CBLN2: variants seen among roughly 807,000 people sequenced by gnomAD.
CBLN2 encodes the protein cerebellin 2 precursor.
Under a neutral mutation model 15.0 loss-of-function variants are expected in CBLN2, and 7 were observed. The observed-to-expected ratio is 0.47, with a 90% CI of 0.27 to 0.88. The LOEUF (loss-of-function observed/expected upper bound fraction) is 0.88. Ranked by LOEUF, CBLN2 falls within the 40% of genes least tolerant of loss-of-function variation. The probability of loss-of-function intolerance (pLI) is 0.14; values close to 1 mark genes in which losing one functional copy is unlikely to be tolerated. For missense variants in CBLN2, 242 were observed against 304.5 expected, an observed-to-expected ratio of 0.79 and a Z score of 1.53; for synonymous variants, 149 against 135.2, an observed-to-expected ratio of 1.10 and a Z score of -0.71.
intron 3 of CBLN2, chr18:72,539,204 CAA>C (rs917561065): frequency 2.4e-5 from 4 of 165,536 alleles, no homozygotes; most frequent in African/African-American, 4.8e-5. Context: ...AACAAACAAA[CAA>C]AAAAGTTCCA....
At chr18:72,564,613 A>G (rs1006298868) in intron 1 of CBLN2, among the ~76,000 whole-genome samples, 3 of 152,190 alleles carry the variant, frequency 2.0e-5, no homozygotes, top group Non-Finnish European at 4.4e-5. Context: ...GAGATACAAA[A>G]AAGAATGGAA....
At chr18:72,566,603 T>C (rs559049037) in intron 1 of CBLN2, among the ~76,000 whole-genome samples, 67 of 152,128 alleles carry the variant, frequency 4.4e-4, no homozygotes, top group Non-Finnish European at 8.5e-4. Context: ...TCTAAAAAGG[T>C]CGATCTCATA....
intron 1 of CBLN2, among the ~76,000 whole-genome samples, chr18:72,634,759 T>C (rs1245510499): frequency 6.6e-6 from 1 of 152,154 alleles, no homozygotes; most frequent in Non-Finnish European, 1.5e-5. Context: ...TTTTACAGCT[T>C]ATTCATACAG....
At chr18:72,603,097 C>G (rs1358578641) in intron 1 of CBLN2, among the ~76,000 whole-genome samples, 1 of 152,260 alleles carries the variant, frequency 6.6e-6, no homozygotes, top group Non-Finnish European at 1.5e-5. Flanking sequence ...CATGTATATG[C>G]CATGCCGCAA....
exon 1 of CBLN2, chr18:72,638,378 T>C (rs532286572): frequency 2.5e-6 from 1 of 398,570 alleles, no homozygotes; most frequent in Admixed American, 4.4e-5. Flanking sequence ...TCCCAGCAGA[T>C]CTGAAGAATG....
At chr18:72,558,528 T>C (rs1350436081) in intron 1 of CBLN2, among the ~76,000 whole-genome samples, 1 of 152,128 alleles carries the variant, frequency 6.6e-6, no homozygotes, top group Non-Finnish European at 1.5e-5. Context: ...TCTCAAAATG[T>C]GCAGTTGTTC....
At chr18:72,556,951 A>G (rs2069230726) in intron 1 of CBLN2, among the ~76,000 whole-genome samples, 1 of 152,172 alleles carries the variant, frequency 6.6e-6, no homozygotes, top group African/African-American at 2.4e-5. Context: ...AAACCACCTC[A>G]TAAAAACTGA....
chr18:72,594,420 T>A (rs1473181952), intron 1 of CBLN2, among the ~76,000 whole-genome samples: 2 of 152,072 alleles, frequency 1.3e-5, no homozygotes, highest in African/African-American at 4.8e-5. Context: ...TCAATGTTCA[T>A]CATGGATATT....
intron 1 of CBLN2, among the ~76,000 whole-genome samples, chr18:72,572,173 G>A (rs760645710): frequency 3.3e-5 from 5 of 151,978 alleles, no homozygotes; most frequent in Non-Finnish European, 5.9e-5. Context: ...TATGAAGCTC[G>A]TGGTCATTGT....
At chr18:72,612,505 CT>C (rs113225497) in intron 1 of CBLN2, among the ~76,000 whole-genome samples, 18,984 of 151,874 alleles carry the variant, frequency 0.12, 2,756 homozygotes, top group African/African-American at 0.35. Flanking sequence ...CCTTACCTCC[CT>C]CCCTCCTTTT....
At chr18:72,559,232 A>G (rs2069245184) in intron 1 of CBLN2, among the ~76,000 whole-genome samples, 1 of 152,180 alleles carries the variant, frequency 6.6e-6, no homozygotes, top group African/African-American at 2.4e-5. Context: ...CCTGCAATAC[A>G]ATTAACCAAT....
intron 1 of CBLN2, among the ~76,000 whole-genome samples, chr18:72,572,776 A>C (rs1355188662): frequency 2.0e-5 from 3 of 152,140 alleles, no homozygotes; most frequent in South Asian, 2.1e-4. Context: ...TCGTGAATAG[A>C]ATATTATCAT....
At chr18:72,605,500 T>A (rs559439931) in intron 1 of CBLN2, among the ~76,000 whole-genome samples, 1 of 152,380 alleles carries the variant, frequency 6.6e-6, no homozygotes, top group East Asian at 1.9e-4. Context: ...TAACAAATTT[T>A]TATTAATGCA....
intron 3 of CBLN2, chr18:72,539,014 T>C: frequency 2.2e-6 from 1 of 455,134 alleles, no homozygotes; most frequent in Non-Finnish European, 3.9e-6. Flanking sequence ...CTAAAGCATA[T>C]TTTAATTATG....
chr18:72,585,460 G>T (rs1367209306), intron 1 of CBLN2, among the ~76,000 whole-genome samples: 2 of 152,140 alleles, frequency 1.3e-5, no homozygotes, highest in Non-Finnish European at 2.9e-5. Flanking sequence ...CAGCACTCAG[G>T]GTAGAGGAAA....
chr18:72,590,480 T>G (rs895915798), intron 1 of CBLN2, among the ~76,000 whole-genome samples: 1 of 152,120 alleles, frequency 6.6e-6, no homozygotes, highest in African/African-American at 2.4e-5. Flanking sequence ...CAAATGGATA[T>G]GAAAAGTAAT....
At chr18:72,585,781 C>T (rs2069438643) in intron 1 of CBLN2, among the ~76,000 whole-genome samples, 1 of 152,214 alleles carries the variant, frequency 6.6e-6, no homozygotes, top group South Asian at 2.1e-4. Context: ...ACATGCCAAG[C>T]CACCCTCAGT....
chr18:72,604,796 G>C (rs2069572800), intron 1 of CBLN2, among the ~76,000 whole-genome samples: 1 of 152,180 alleles, frequency 6.6e-6, no homozygotes, highest in Non-Finnish European at 1.5e-5. Flanking sequence ...ACCAGATGCA[G>C]GCCCTCAACC....
chr18:72,579,637 C>T (rs2069389910), intron 1 of CBLN2, among the ~76,000 whole-genome samples: 1 of 151,998 alleles, frequency 6.6e-6, no homozygotes, highest in Admixed American at 6.6e-5. Flanking sequence ...GAGGCTGAGG[C>T]AGGAGAATTG....
Sources: allele counts gnomAD v4.1 joint callset (sites outside exome capture counted in the v4.1 genomes callset), GRCh38; gene constraint gnomAD v4.1.1; transcripts MANE v1.5; gene names NCBI Gene and HGNC (gene_info 2026-07-23, HGNC 2026-07-21).